Variants in AKAP13 observed in about 807,000 individuals in gnomAD.
AKAP13 encodes the protein A-kinase anchoring protein 13, also known as A-kinase anchor protein 13.
AKAP13 carries 80 observed loss-of-function variants against 264.5 expected under a neutral mutation model. That is an observed-to-expected ratio of 0.30 (90% confidence interval 0.25 to 0.36). AKAP13 has a LOEUF of 0.36. AKAP13 is among the 10% of genes least tolerant of loss of function. The probability of loss-of-function intolerance (pLI) is 1.00; values close to 1 mark genes in which losing one functional copy is unlikely to be tolerated. For missense variants in AKAP13, 3,712 were observed against 3,435.2 expected (o/e 1.08, Z -2.01); for synonymous variants, 1,380 against 1,250.2 (o/e 1.10, Z -2.19).
intron 1 of AKAP13, among the ~76,000 whole-genome samples, chr15:85,395,765 C>T (rs2071079620): frequency 6.6e-6 from 1 of 151,686 alleles, no homozygotes; most frequent in Admixed American, 6.6e-5. Context: ...TTTGATTTTT[C>T]CGTATTGTCT....
At chr15:85,523,791 C>A (rs930131961) in intron 3 of AKAP13, among the ~76,000 whole-genome samples, 2 of 152,268 alleles carry the variant, frequency 1.3e-5, no homozygotes, top group South Asian at 4.1e-4. Context: ...CTCGCACTCA[C>A]ACGTAACCCC....
intron 14 of AKAP13, among the ~76,000 whole-genome samples, chr15:85,681,181 A>G (rs1031717277): frequency 6.6e-6 from 1 of 152,218 alleles, no homozygotes; most frequent in Non-Finnish European, 1.5e-5. Context: ...TTTTGCTTAC[A>G]GTAATCTCAG....
In AKAP13 at chr15:85,579,686, G is replaced by T. The variant is rs2079117058; in HGVS notation, c.1618G>T (p.Ala540Ser). Reference protein sequence around the residue: ...KISVPNCAPAASSLDGNKPAE... With the variant: ...KISVPNCAPASSSLDGNKPAE... ...CAGTGTTCCAAACTGTGCCCCTGCT[G>T]CCAGTTCCCTGGATGGTAACAAACC... Residue 540 changes from alanine to serine, a missense_variant, in exon 7 of 37, where the codon GCC (alanine) becomes TCC (serine). Physicochemically the swap from Ala to Ser is moderately conservative, Grantham distance 99. Around this residue, in one of 3 missense-constraint regions of AKAP13, gnomAD observed 2,759 missense variants for 2,411.7 expected, o/e 1.14. Transcript: ENST00000394518. The T allele has an allele frequency of 2.5e-6, 4 of 1,614,176 alleles. No homozygotes were observed. Among genetic ancestry groups the T allele is most frequent in the Non-Finnish European group, 3.4e-6 (4 of 1,180,024 alleles).
Position 85,741,472 on chromosome 15 carries a change from C to G in AKAP13, c.8035C>G (p.Gln2679Glu). 6.2e-7 allele frequency: 1 copy of G among 1,601,536 alleles called. No homozygotes were observed. Among genetic ancestry groups the G allele is most frequent in the Non-Finnish European group, 8.5e-7 (1 of 1,171,140 alleles). The change falls in exon 35 of 37, where the codon CAG becomes GAG. Residue 2679 changes from glutamine to glutamate, a missense_variant. By Grantham distance (29) the Gln-to-Glu change is conservative. Coordinates refer to ENST00000394518, the MANE Select transcript of AKAP13 (RefSeq NM_007200.5). ...GGAGGCAGAGCGGCTCAGCCAGCGG[C>G]AGACAGAACGGGACCTGTGTCAGGT... Reference protein sequence around the residue: ...RREAERLSQRQTERDLCQVSH... With the variant: ...RREAERLSQRETERDLCQVSH...
At chr15:85,620,053 T>C in intron 8 of AKAP13, 1 of 1,535,980 alleles carries the variant, frequency 6.5e-7, no homozygotes, top group Non-Finnish European at 8.7e-7. Flanking sequence ...GTGGATATAC[T>C]TCCTGCATTT....
chr15:85,486,739 CT>C (rs562767898), intron 2 of AKAP13, among the ~76,000 whole-genome samples: 14,704 of 115,222 alleles, frequency 0.13, 705 homozygotes, highest in Non-Finnish European at 0.18. Context: ...TTGTTCAGTT[CT>C]TTTTTTTTTT....
intron 32 of AKAP13, 99 bp downstream of exon 32, chr15:85,735,729 A>T: frequency 8.6e-7 from 1 of 1,164,088 alleles, no homozygotes; most frequent in Non-Finnish European, 1.2e-6. Flanking sequence ...TCGATGCCTG[A>T]ATTGCTGCTT....
intron 1 of AKAP13, among the ~76,000 whole-genome samples, chr15:85,478,639 G>T (rs2075255737): frequency 6.6e-6 from 1 of 151,986 alleles, no homozygotes; most frequent in South Asian, 2.1e-4. Flanking sequence ...TTGTTTTACT[G>T]TTGAATGTTA....
intron 14 of AKAP13, among the ~76,000 whole-genome samples, chr15:85,681,137 AG>A (rs940801301): frequency 2.0e-4 from 31 of 152,310 alleles, no homozygotes; most frequent in African/African-American, 7.2e-4. Flanking sequence ...GTAGTCTGGT[AG>A]TAGAACATCT....
chr15:85,645,907 C>T lies in AKAP13; in HGVS notation c.4327C>T (p.Leu1443Phe), dbSNP rs756516243. 3.7e-6 allele frequency: 6 copies of T among 1,613,720 alleles called. No homozygotes were observed. Among genetic ancestry groups the T allele is most frequent in the East Asian group, 4.5e-5 (2 of 44,862 alleles). ...LKRESGSDSD[L>F]FHSPSDDMDS... Reference sequence around the variant, plus strand: ...AAGAGAATCTGGGAGTGATTCTGACCTCTTTCACTCACCCAGTGATGACAT... The same window carrying T: ...AAGAGAATCTGGGAGTGATTCTGACTTCTTTCACTCACCCAGTGATGACAT... Residue 1443 changes from leucine to phenylalanine, a missense_variant, in exon 10 of 37, where the codon CTC (leucine) becomes TTC (phenylalanine). Physicochemically the swap from Leu to Phe is conservative, Grantham distance 22 (BLOSUM62 0). Transcript: ENST00000394518.
At chr15:85,661,359 T>G (rs1229821231) in intron 12 of AKAP13, among the ~76,000 whole-genome samples, 1 of 152,098 alleles carries the variant, frequency 6.6e-6, no homozygotes, top group Non-Finnish European at 1.5e-5. Flanking sequence ...GTAGGAAAAA[T>G]GGAAACAAAC....
At chr15:85,661,723 G>C (rs1042898185) in intron 12 of AKAP13, among the ~76,000 whole-genome samples, 8 of 150,060 alleles carry the variant, frequency 5.3e-5, no homozygotes, top group South Asian at 2.1e-4. Flanking sequence ...CTCCGTCTTG[G>C]GGGGTAGTTT....
chr15:85,411,830 C>G (rs1216315973), intron 1 of AKAP13, among the ~76,000 whole-genome samples: 1 of 152,122 alleles, frequency 6.6e-6, no homozygotes, highest in Non-Finnish European at 1.5e-5. Flanking sequence ...TTGGCAGATA[C>G]CTTCTTGAAA....
intron 12 of AKAP13, among the ~76,000 whole-genome samples, chr15:85,663,070 G>A (rs919408097): frequency 6.6e-6 from 1 of 152,184 alleles, no homozygotes; most frequent in African/African-American, 2.4e-5. Flanking sequence ...AGTACTTTGG[G>A]AGGCTGCGGT....
intron 17 of AKAP13, among the ~76,000 whole-genome samples, chr15:85,701,465 C>T (rs761321079): frequency 1.3e-5 from 2 of 151,956 alleles, no homozygotes; most frequent in African/African-American, 2.4e-5. Context: ...TTTGAGACGG[C>T]GTCTCACTCT....
At chr15:85,444,973 G>A (rs1282422550) in intron 1 of AKAP13, among the ~76,000 whole-genome samples, 2 of 152,120 alleles carry the variant, frequency 1.3e-5, no homozygotes, top group Admixed American at 6.6e-5. Context: ...AAGGGGTCAT[G>A]CATGTTGCTT....
At chr15:85,381,053 T>A (rs2083393780) in intron 1 of AKAP13, among the ~76,000 whole-genome samples, 1 of 149,554 alleles carries the variant, frequency 6.7e-6, no homozygotes, top group Non-Finnish European at 1.5e-5. Context: ...CGCCTCCCAC[T>A]CCGCAGCCCA....
In AKAP13 at chr15:85,591,664, G is replaced by T. The variant is rs185382062; in HGVS notation, c.4161+5841G>T. 2.9e-3 allele frequency among the ~76,000 whole-genome samples: 446 copies of T among 151,970 alleles called. 2 individuals are homozygous for T. Among genetic ancestry groups the T allele is most frequent in the Non-Finnish European group, 4.4e-3 (296 of 67,974 alleles). Reference sequence around the variant, plus strand: ...AAAAGTTCAGAAAAGAGGGCCGTCTGACACCATTCGCCTTCATAGTATGTC... The same window carrying T: ...AAAAGTTCAGAAAAGAGGGCCGTCTTACACCATTCGCCTTCATAGTATGTC... On this transcript the variant is annotated intron_variant, in intron 8 of 36. Transcript: ENST00000394518.
At chr15:85,389,276 G>C (rs969278778) in intron 1 of AKAP13, among the ~76,000 whole-genome samples, 1 of 152,116 alleles carries the variant, frequency 6.6e-6, no homozygotes, top group Admixed American at 6.5e-5. Context: ...GCCTTCCCAA[G>C]CTATGTTTGT....
Sources: gnomAD v4.1 joint callset for allele counts (sites outside exome capture counted in the v4.1 genomes callset) on GRCh38, gnomAD v4.1.1 for gene constraint, gnomAD v4.1.1 regional missense constraint, MANE v1.5 for transcripts, NCBI Gene and HGNC (gene_info 2026-07-23, HGNC 2026-07-21) for gene names.